WSCD2: variants seen among roughly 807,000 people sequenced by gnomAD.
WSCD2 encodes WSC domain sialate O sulfotransferase 2, also known as sialate:O-sulfotransferase 2.
In WSCD2, 28 loss-of-function variants were observed where a neutral mutation model predicts 55.7. The ratio of observed to expected loss-of-function variants is 0.50; its 90% CI spans 0.37 to 0.69. WSCD2 has a LOEUF of 0.69. Ranked by LOEUF, WSCD2 falls within the 30% of genes least tolerant of loss-of-function variation. The probability of loss-of-function intolerance (pLI) is 0.00; values close to 1 mark genes in which losing one functional copy is unlikely to be tolerated. For missense variants in WSCD2, 616 were observed against 762.1 expected (o/e 0.81, Z 2.26); for synonymous variants, 301 against 301.9 (o/e 1.00, Z 0.03).
intron 4 of WSCD2, among the ~76,000 whole-genome samples, chr12:108,216,146 G>A (rs928793353): frequency 2.0e-5 from 3 of 152,290 alleles, no homozygotes; most frequent in South Asian, 2.1e-4. Flanking sequence ...GGGAAACAAG[G>A]ATGTGATGTC....
intron 2 of WSCD2, 136 bp downstream of exon 2, chr12:108,196,350 C>A: frequency 7.8e-7 from 1 of 1,286,670 alleles, no homozygotes; most frequent in Non-Finnish European, 1.0e-6. Context: ...ATAGTGCCTG[C>A]CATTATCATC....
intron 1 of WSCD2, among the ~76,000 whole-genome samples, chr12:108,166,789 C>CTT (rs1232364251): frequency 9.0e-5 from 12 of 133,234 alleles, no homozygotes; most frequent in African/African-American, 3.1e-4. Flanking sequence ...TTCTTTCTTT[C>CTT]TGTCTTTCTT....
rs141128245 is a variant in WSCD2 at position 108,210,151 on chromosome 12, C to A, written c.528C>A (p.Gly176=). Residue 176 remains glycine, a synonymous_variant, in exon 4 of 9, where the codon GGC becomes GGA. Transcript: ENST00000547525. This position sits in a 1 kb window ranked among gnomAD's most constrained non-coding sequence, Gnocchi z 4.3. The part of the protein sequence containing the change: ...RGYLYGGLEF[G]AECYCGHKIQ... ...ACCTGTATGGCGGGCTGGAGTTCGGCGCCGAGTGCTACTGCGGCCACAAGA... is the reference window on the plus strand; with the variant it reads ...ACCTGTATGGCGGGCTGGAGTTCGGAGCCGAGTGCTACTGCGGCCACAAGA... 6.2e-7 allele frequency: 1 copy of A among 1,614,114 alleles called. No homozygotes were observed. The highest frequency in any genetic ancestry group is 8.5e-7 in the Non-Finnish European group (1 of 1,180,014).
chr12:108,196,299 G>A, intron 2 of WSCD2, 85 bp downstream of exon 2: 1 of 1,460,504 alleles, frequency 6.8e-7, no homozygotes, highest in Non-Finnish European at 9.1e-7. Flanking sequence ...TCAGTTTTCA[G>A]TGTTTAATAG....
At chr12:108,193,596 A>AATGGATGGATGG (rs150789288) in intron 1 of WSCD2, among the ~76,000 whole-genome samples, 1 of 150,722 alleles carries the variant, frequency 6.6e-6, no homozygotes, top group African/African-American at 2.4e-5. Context: ...CCGGAAGGCA[A>AATGGATGGATGG]ATGGATGGAT....
chr12:108,211,650 T>TACATATATATATATATATATATATAC (rs1565970060), intron 4 of WSCD2, among the ~76,000 whole-genome samples: 3 of 124,664 alleles, frequency 2.4e-5, no homozygotes, highest in African/African-American at 8.3e-5. Context: ...TATATATATA[T>TACATATATATATATATATATATATAC]ACATATATAT....
intron 2 of WSCD2, among the ~76,000 whole-genome samples, chr12:108,201,849 A>G (rs543745123): frequency 2.0e-5 from 3 of 152,174 alleles, no homozygotes; most frequent in African/African-American, 7.2e-5. Context: ...GTAAAGGAGG[A>G]AAAAAAACTG....
Position 108,141,535 on chromosome 12 carries a change from C to T in WSCD2, c.-552+11609C>T, listed in dbSNP as rs548414161. On this transcript the variant is annotated intron_variant, in intron 1 of 8. Coordinates refer to ENST00000547525, the MANE Select transcript of WSCD2 (RefSeq NM_014653.4). ...CCTTTTCCAGCATTGGAGGGCTGCC[C>T]ATATTCCTTGGTTCATAGCCCCAAG... Among the ~76,000 whole-genome samples, 8 of 152,262 alleles carry T rather than the reference C, an allele frequency of 5.3e-5. No homozygotes were observed. The East Asian group carries it at 5.8e-4, about 11-fold the overall frequency.
At chr12:108,159,146 G>A (rs1466025775) in intron 1 of WSCD2, among the ~76,000 whole-genome samples, 1 of 152,132 alleles carries the variant, frequency 6.6e-6, no homozygotes, top group African/African-American at 2.4e-5. Flanking sequence ...GGTTGCCCTG[G>A]TTGTTCCTCC....
At chr12:108,224,240 A>C (rs1276945663) in intron 4 of WSCD2, among the ~76,000 whole-genome samples, 1 of 152,016 alleles carries the variant, frequency 6.6e-6, no homozygotes, top group Non-Finnish European at 1.5e-5. Flanking sequence ...GAGGCCCAGG[A>C]CTTTTCCCGT....
chr12:108,180,006 G>C (rs1881461059), intron 1 of WSCD2, among the ~76,000 whole-genome samples: 1 of 143,604 alleles, frequency 7.0e-6, no homozygotes, highest in East Asian at 2.0e-4. Context: ...TCACTCCATT[G>C]CATTCCAGCC....
At chr12:108,180,050 C>CAAAAAAAAAAAAAAAAAAAAAAA (rs59925486) in intron 1 of WSCD2, among the ~76,000 whole-genome samples, 2 of 116,672 alleles carry the variant, frequency 1.7e-5, no homozygotes, top group Non-Finnish European at 1.8e-5. Context: ...CTCAAAAAAA[C>CAAAAAAAAAAAAAAAAAAAAAAA]AAAAAAAAAA....
chr12:108,198,559 G>C (rs905460619), intron 2 of WSCD2, among the ~76,000 whole-genome samples: 2 of 152,170 alleles, frequency 1.3e-5, no homozygotes, highest in African/African-American at 4.8e-5. Flanking sequence ...CTCATTTGTT[G>C]TGAGATTGAA....
At chr12:108,230,683 C>T (rs1207632481) in intron 6 of WSCD2, among the ~76,000 whole-genome samples, 2 of 152,192 alleles carry the variant, frequency 1.3e-5, no homozygotes, top group East Asian at 1.9e-4. Context: ...TAAATAGCAG[C>T]TAATGCAGAA....
chr12:108,171,327 G>A (rs990446173), intron 1 of WSCD2, among the ~76,000 whole-genome samples: 2 of 63,564 alleles, frequency 3.1e-5, no homozygotes, highest in Admixed American at 2.9e-4. Flanking sequence ...ATGGAGGAAC[G>A]AAGAAGTCAA....
intron 4 of WSCD2, among the ~76,000 whole-genome samples, chr12:108,213,755 C>G (rs989673495): frequency 6.6e-6 from 1 of 152,188 alleles, no homozygotes; most frequent in Non-Finnish European, 1.5e-5. Flanking sequence ...TACTGTGCCT[C>G]TTAGGGACTG....
intron 4 of WSCD2, among the ~76,000 whole-genome samples, chr12:108,217,995 T>G (rs1887050381): frequency 1.3e-5 from 2 of 152,084 alleles, no homozygotes; most frequent in Admixed American, 1.3e-4. Context: ...AGAAATCACA[T>G]GGAGAAATGC....
rs566082458 is a variant in WSCD2 at position 108,249,012 on chromosome 12, G to C, written c.*669G>C. The C allele has an allele frequency of 2.1e-5, 16 of 754,136 alleles. No homozygotes were observed. In the South Asian group the frequency reaches 7.8e-4, roughly 37 times the overall value. The allele number at this position is 754,136 out of a possible 1,614,324, so 46.7% of individuals were successfully genotyped here. ...CCAGGCCACACTGCTTCTCAGAAAT[G>C]AGCTGCTTGCCTTTCCACCTCCAGG... On this transcript the variant is annotated 3_prime_UTR_variant, in exon 9 of 9. Transcript: ENST00000547525.
At chr12:108,219,667 C>T (rs891078933) in intron 4 of WSCD2, among the ~76,000 whole-genome samples, 4 of 152,158 alleles carry the variant, frequency 2.6e-5, no homozygotes, top group African/African-American at 9.7e-5. Context: ...GTGTTGGGGG[C>T]CTCAGACCCC....
Sources: gnomAD v4.1 joint callset for allele counts (sites outside exome capture counted in the v4.1 genomes callset) on GRCh38, gnomAD v4.1.1 for gene constraint, Gnocchi (gnomAD v3.1) non-coding constraint, MANE v1.5 for transcripts, NCBI Gene and HGNC (gene_info 2026-07-23, HGNC 2026-07-21) for gene names.